Variants in TAS2R1 observed in about 807,000 individuals in gnomAD.
TAS2R1 encodes the protein taste receptor type 2 member 1.
For synonymous variants in TAS2R1, 141 were observed against 134.2 expected, an observed-to-expected ratio of 1.05 and a Z score of -0.35; for missense variants, 370 against 353.4, an observed-to-expected ratio of 1.05 and a Z score of -0.38.
chr5:9,891,687 A>G, the TAS2R1 span, among the ~76,000 whole-genome samples: 1 of 152,188 alleles, frequency 6.6e-6, no homozygotes, highest in South Asian at 2.1e-4. Context: ...CTCTGCCCAT[A>G]TAACATGCCT....
chr5:9,840,015 C>T, the TAS2R1 span, among the ~76,000 whole-genome samples: 2 of 152,158 alleles, frequency 1.3e-5, no homozygotes, highest in Non-Finnish European at 2.9e-5. Context: ...AGGAAAATGA[C>T]TTTGAATGGG....
At chr5:9,902,303 T>C in the TAS2R1 span, among the ~76,000 whole-genome samples, 2 of 152,062 alleles carry the variant, frequency 1.3e-5, no homozygotes, top group South Asian at 2.1e-4. Context: ...GTGGACATGT[T>C]CTAGAATGTT....
intron 1 of TAS2R1, among the ~76,000 whole-genome samples, chr5:9,675,753 T>G (rs1398595973): frequency 6.6e-6 from 1 of 152,140 alleles, no homozygotes; most frequent in African/African-American, 2.4e-5. Context: ...TGTGTGTGTG[T>G]GTACAGACTC....
At chr5:9,792,336 A>T in the TAS2R1 span, among the ~76,000 whole-genome samples, 1 of 152,230 alleles carries the variant, frequency 6.6e-6, no homozygotes, top group Non-Finnish European at 1.5e-5. Flanking sequence ...TTAGGTTGTC[A>T]TGGTCATAAA....
intron 1 of TAS2R1, among the ~76,000 whole-genome samples, chr5:9,668,947 C>T (rs1455727927): frequency 6.6e-6 from 1 of 151,974 alleles, no homozygotes; most frequent in Admixed American, 6.6e-5. Context: ...GGCTAAACAC[C>T]TCAATTAAAA....
chr5:9,886,209 T>C, the TAS2R1 span, among the ~76,000 whole-genome samples: 117 of 152,176 alleles, frequency 7.7e-4, 1 homozygote, highest in Non-Finnish European at 1.2e-3. Flanking sequence ...TTTTTTGTAT[T>C]TTAGTAGAGA....
chr5:9,662,876 A>G (rs1740565621), intron 1 of TAS2R1, among the ~76,000 whole-genome samples: 1 of 152,318 alleles, frequency 6.6e-6, no homozygotes, highest in African/African-American at 2.4e-5. Context: ...TCAATACCCA[A>G]TTACTTTTGA....
At chr5:9,890,117 C>G in the TAS2R1 span, among the ~76,000 whole-genome samples, 1 of 152,020 alleles carries the variant, frequency 6.6e-6, no homozygotes, top group Non-Finnish European at 1.5e-5. Flanking sequence ...AAAAGGGACT[C>G]GGGATCCAGC....
chr5:9,891,062 T>G, the TAS2R1 span, among the ~76,000 whole-genome samples: 1 of 152,260 alleles, frequency 6.6e-6, no homozygotes, highest in African/African-American at 2.4e-5. Flanking sequence ...GAAGTCATTA[T>G]GTGGCTTTTA....
chr5:9,743,491 A>T, the TAS2R1 span, among the ~76,000 whole-genome samples: 2 of 152,162 alleles, frequency 1.3e-5, no homozygotes, highest in Non-Finnish European at 2.9e-5. Context: ...AAAAATAAAC[A>T]TGGAAGATTT....
At chr5:9,787,305 A>T in the TAS2R1 span, among the ~76,000 whole-genome samples, 1 of 152,232 alleles carries the variant, frequency 6.6e-6, no homozygotes, top group Non-Finnish European at 1.5e-5. Flanking sequence ...TATAGCACCC[A>T]AAAGCTTAAA....
At chr5:9,854,266 T>C in the TAS2R1 span, 1 of 152,082 alleles carries the variant, frequency 6.6e-6, no homozygotes, top group Non-Finnish European at 1.5e-5. Flanking sequence ...AATTCCTTTT[T>C]TTTTTTTTAA....
At chr5:9,818,705 T>C in the TAS2R1 span, among the ~76,000 whole-genome samples, 4 of 152,210 alleles carry the variant, frequency 2.6e-5, no homozygotes, top group Non-Finnish European at 4.4e-5. Flanking sequence ...GGCCACTTCA[T>C]CCACATCCTC....
the TAS2R1 span, among the ~76,000 whole-genome samples, chr5:9,764,068 A>C: frequency 6.6e-6 from 1 of 152,206 alleles, no homozygotes; most frequent in Non-Finnish European, 1.5e-5. Context: ...TGGGCTTGCT[A>C]TTCAAAAATA....
the TAS2R1 span, among the ~76,000 whole-genome samples, chr5:9,898,150 G>A: frequency 3.3e-5 from 5 of 152,050 alleles, no homozygotes; most frequent in African/African-American, 4.8e-5. Flanking sequence ...AATTGTTCAC[G>A]ATAATCTAAC....
intron 2 of TAS2R1, among the ~76,000 whole-genome samples, chr5:9,646,467 T>C (rs1447516041): frequency 6.6e-6 from 1 of 152,168 alleles, no homozygotes; most frequent in Non-Finnish European, 1.5e-5. Context: ...ATTGGACACA[T>C]GGAAGATGAT....
chr5:9,883,283 C>T, the TAS2R1 span: 1 of 152,058 alleles, frequency 6.6e-6, no homozygotes, highest in Admixed American at 6.6e-5. Flanking sequence ...GGGCTTAATA[C>T]CTAGGTGATG....
the TAS2R1 span, among the ~76,000 whole-genome samples, chr5:9,801,430 C>T: frequency 6.6e-6 from 1 of 152,222 alleles, no homozygotes; most frequent in South Asian, 2.1e-4. Context: ...TAGCTTGCAG[C>T]TCCCACTCAG....
the TAS2R1 span, among the ~76,000 whole-genome samples, chr5:9,873,580 G>A: frequency 6.6e-6 from 1 of 152,044 alleles, no homozygotes; most frequent in Non-Finnish European, 1.5e-5. Context: ...AAAAAAGGGA[G>A]GGGACGCTGG....
Sources: allele counts gnomAD v4.1 joint callset (sites outside exome capture counted in the v4.1 genomes callset), GRCh38; gene constraint gnomAD v4.1.1; transcripts MANE v1.5; gene names NCBI Gene and HGNC (gene_info 2026-07-23, HGNC 2026-07-21).